TMPRSS13: variants seen among roughly 807,000 people sequenced by gnomAD.
TMPRSS13 encodes the protein transmembrane serine protease 13.
Under a neutral mutation model 68.4 loss-of-function variants are expected in TMPRSS13, and 50 were observed. The observed-to-expected ratio is 0.73, with a 90% CI of 0.58 to 0.93. TMPRSS13 has a LOEUF of 0.93. Ranked by LOEUF, TMPRSS13 falls within the 40% of genes least tolerant of loss-of-function variation. The pLI is 0.00. For synonymous variants in TMPRSS13, 267 were observed against 285.8 expected, an observed-to-expected ratio of 0.93 and a Z score of 0.66; for missense variants, 615 against 729.2, an observed-to-expected ratio of 0.84 and a Z score of 1.80.
In TMPRSS13 at chr11:117,929,361, A is replaced by T; in HGVS notation, c.-54T>A. 1 of 1,575,378 alleles carries T rather than the reference A, an allele frequency of 6.3e-7. No individual in the cohort carries two copies. The highest frequency in any genetic ancestry group is 1.2e-5 in the South Asian group (1 of 86,536). On this transcript the variant is annotated 5_prime_UTR_variant, in exon 1 of 13. It removes an upstream start codon present in the reference 5' UTR. Coordinates refer to ENST00000524993, the MANE Select transcript of TMPRSS13 (RefSeq NM_001077263.3). ...TTAGCTGATGTCGAGGAGAAGATCC[A>T]TCTTGGTCCCTGGCTTCTCAGGCAT... is the stretch of plus-strand genomic sequence containing the variant.
At chr11:117,910,934 A>G (rs1375663085) in intron 6 of TMPRSS13, among the ~76,000 whole-genome samples, 184 bp from the exon 7 acceptor site, 1 of 152,192 alleles carries the variant, frequency 6.6e-6, no homozygotes, top group Middle Eastern at 3.2e-3. Context: ...TGCTTTGTCC[A>G]GAATCGGAGT....
chr11:117,920,327 T>TTTTGTTTG (rs58261622), intron 1 of TMPRSS13, among the ~76,000 whole-genome samples: 24 of 150,668 alleles, frequency 1.6e-4, no homozygotes, highest in African/African-American at 4.9e-4. Context: ...GATGGAGGGG[T>TTTTGTTTG]TTTGTTTGTT....
rs1591623421 is a variant in TMPRSS13, at chr11:117,913,822, T to C, written c.764A>G (p.Asn255Ser). The change falls in exon 5 of 13, where the codon AAT becomes AGT. Residue 255 changes from asparagine to serine, a missense_variant. Physicochemically the swap from Asn to Ser is conservative, Grantham distance 46 (BLOSUM62 1). Transcript: ENST00000524993. ...QWLPICSSNW[N>S]DSYSEKTCQQ... ...GCAGGTCTTCTCTGAGTAGGAGTCA[T>C]TCCAGTTGCTGCTACAGATGGGAAG... 1 of 1,614,152 alleles carries C rather than the reference T, an allele frequency of 6.2e-7. No homozygotes were observed. Among genetic ancestry groups the C allele is most frequent in the Non-Finnish European group, 8.5e-7 (1 of 1,180,024 alleles).
At position 117,918,300 on chromosome 11, in the gene TMPRSS13, C is replaced by T. The variant is rs904317636; in HGVS notation, c.451+109G>A. 7.3e-6 allele frequency: 9 copies of T among 1,240,216 alleles called. No homozygotes were observed. The East Asian group carries it at 2.3e-4, about 32-fold the overall frequency. 76.8% of individuals were successfully genotyped at this position (1,240,216 alleles called of 1,614,324 possible). A position where few individuals can be genotyped will look rare whatever the true frequency, so the allele number is the denominator to read the frequency against. On this transcript the variant is annotated intron_variant, in intron 2 of 12. Coordinates refer to ENST00000524993, the MANE Select transcript of TMPRSS13 (RefSeq NM_001077263.3). ...ACTTCCCACCCCCCTACCTCCCCTT[C>T]CCCGCATCGTTGTCTGCTATGAGAG...
rs1026431219 is a variant in TMPRSS13, at chr11:117,911,829, C to A, written c.841G>T (p.Asp281Tyr). The A allele has an allele frequency of 1.2e-5, 20 of 1,613,996 alleles. No individual in the cohort carries two copies. Among genetic ancestry groups the A allele is most frequent in the East Asian group, 2.2e-5 (1 of 44,890 alleles). ...AHRTTEVAHR[D>Y]FANSFSILRY... ...AAGATTGAGAAGCTGTTGGCAAAATCCCTGTGGGCAACCTCGGTTGTCCGG... is the reference window on the plus strand; with the variant it reads ...AAGATTGAGAAGCTGTTGGCAAAATACCTGTGGGCAACCTCGGTTGTCCGG... Residue 281 changes from aspartate to tyrosine, a missense_variant, in exon 6 of 13, where the codon GAT (aspartate) becomes TAT (tyrosine). Asp to Tyr is a radical substitution (Grantham distance 160, BLOSUM62 -3). Transcript: ENST00000524993.
rs147549220 is a variant in TMPRSS13 at position 117,914,393 on chromosome 11, G to T, written c.678C>A (p.Cys226Ter). Residue 226 changes from cysteine to a stop codon, truncating the protein, a stop_gained and splice_region_variant, in exon 4 of 13, where the codon TGC becomes TGA. Coordinates refer to ENST00000524993, the MANE Select transcript of TMPRSS13 (RefSeq NM_001077263.3). LOFTEE classifies it high-confidence loss of function. The surrounding 1 kb of genome is among the most constrained non-coding windows in gnomAD (Gnocchi z 4.2). ...DCKLKSDELGCVRFDWDKSLL... is the reference protein window; with the variant it reads ...DCKLKSDELG The stretch of plus-strand genomic sequence containing the variant: ...CTCCCCCGCACCCAGCCTCCTTACC[G>T]CAGCCCAGCTCGTCACTCTTCAGCT... The T allele has an allele frequency of 1.2e-6, 2 of 1,613,218 alleles. No homozygotes were observed. The highest frequency in any genetic ancestry group is 1.7e-6 in the Non-Finnish European group (2 of 1,179,938).
At position 117,915,449 on chromosome 11, in the gene TMPRSS13, C is replaced by G. The variant is rs2057567925; in HGVS notation, c.557-935G>C. 6.6e-6 allele frequency among the ~76,000 whole-genome samples: 1 copy of G among 152,242 alleles called. No individual in the cohort carries two copies. On this transcript the variant is annotated intron_variant, in intron 3 of 12. Coordinates refer to ENST00000524993, the MANE Select transcript of TMPRSS13 (RefSeq NM_001077263.3). This position sits in a 1 kb window ranked among gnomAD's most constrained non-coding sequence, Gnocchi z 4.9. Reference sequence around the variant, plus strand: ...TCCTTCCAGGTCCAGACACAAATCCCTCCTAATCTCTTGGGCTGGCCCCTC... The same window carrying G: ...TCCTTCCAGGTCCAGACACAAATCCGTCCTAATCTCTTGGGCTGGCCCCTC...
In TMPRSS13 at chr11:117,902,221, G is replaced by C. The variant is rs1418752835; in HGVS notation, c.*18C>G. On this transcript the variant is annotated 3_prime_UTR_variant, in exon 13 of 13. Coordinates refer to ENST00000524993, the MANE Select transcript of TMPRSS13 (RefSeq NM_001077263.3). ...TCTTCACAGCAGCCGGTGCTGTGCA[G>C]AGCAGCAGGCCAGCTGGTTAGGATT... 6.2e-7 allele frequency: 1 copy of C among 1,612,670 alleles called. No individual in the cohort carries two copies. The highest frequency in any genetic ancestry group is 1.3e-5 in the African/African-American group (1 of 74,918).
chr11:117,920,224 TAG>T (rs2057629173), intron 1 of TMPRSS13, among the ~76,000 whole-genome samples: 1 of 152,206 alleles, frequency 6.6e-6, no homozygotes. Flanking sequence ...ATCTGTAAGC[TAG>T]AGCGAAGCAC....
chr11:117,920,266 A>G (rs1441357005), intron 1 of TMPRSS13, among the ~76,000 whole-genome samples: 2 of 152,316 alleles, frequency 1.3e-5, no homozygotes, highest in African/African-American at 2.4e-5. Flanking sequence ...GTCACAGATC[A>G]TGCCTGTAAA....
chr11:117,909,048 C>A (rs959985465), intron 8 of TMPRSS13, among the ~76,000 whole-genome samples: 4 of 152,134 alleles, frequency 2.6e-5, no homozygotes, highest in Admixed American at 6.5e-5. Context: ...GCACTCCCCC[C>A]CCACTATCTC....
chr11:117,910,686 C>A (rs752823659), intron 7 of TMPRSS13, 21 bp downstream of exon 7: 9 of 1,604,070 alleles, frequency 5.6e-6, no homozygotes, highest in African/African-American at 1.3e-5. Context: ...TGGCCACAAT[C>A]CAAGAAGAAG....
Position 117,929,380 on chromosome 11 carries a change from C to T in TMPRSS13, c.-73G>A. 6.8e-7 allele frequency: 1 copy of T among 1,473,986 alleles called. No individual in the cohort carries two copies. Among genetic ancestry groups the T allele is most frequent in the African/African-American group, 1.4e-5 (1 of 71,888 alleles). The allele number at this position is 1,473,986 out of a possible 1,614,324, so 91.3% of individuals were successfully genotyped here. ...AGATCCATCTTGGTCCCTGGCTTCT[C>T]AGGCATGTAGGGTAAAGGAGTTGGA... On this transcript the variant is annotated 5_prime_UTR_variant, in exon 1 of 13. Coordinates refer to ENST00000524993, the MANE Select transcript of TMPRSS13 (RefSeq NM_001077263.3).
rs747698789 is a variant in TMPRSS13 at position 117,903,786 on chromosome 11, C to G, written c.1546G>C (p.Val516Leu). The change falls in exon 12 of 13, where the codon GTC (valine) becomes CTC (leucine). Residue 516 changes from valine to leucine, a missense_variant. Coordinates refer to ENST00000524993, the MANE Select transcript of TMPRSS13 (RefSeq NM_001077263.3). The stretch of plus-strand genomic sequence containing the variant: ...TACCAGCGGTTGTTCTGCTCACAGA[C>G]AAGAGGCCCCCCGCTGTCTCCCTGC... ...SCQGDSGGPLVCEQNNRWYLA... is the reference protein window; with the variant it reads ...SCQGDSGGPLLCEQNNRWYLA... 6.2e-6 allele frequency: 10 copies of G among 1,611,380 alleles called. No homozygotes were observed. The highest frequency in any genetic ancestry group is 7.6e-6 in the Non-Finnish European group (9 of 1,178,832).
chr11:117,909,677 C>T lies in TMPRSS13; in HGVS notation c.1109+129G>A, dbSNP rs567914077. ...GGTGAACACCCAAGCTACACCAGTG[C>T]CAACTGGCCCATGGGGGCTGGACTC... On this transcript the variant is annotated intron_variant, in intron 8 of 12. Transcript: ENST00000524993. The T allele has an allele frequency of 5.3e-6, 6 of 1,142,454 alleles. No individual in the cohort carries two copies. In the South Asian group the frequency reaches 9.0e-5, roughly 17 times the overall value. 70.8% of individuals were successfully genotyped at this position (1,142,454 alleles called of 1,614,324 possible).
At chr11:117,909,756 T>C in intron 8 of TMPRSS13, 50 bp downstream of exon 8, 1 of 1,571,822 alleles carries the variant, frequency 6.4e-7, no homozygotes, top group Non-Finnish European at 8.6e-7. Flanking sequence ...CCCTTCCTGG[T>C]GGTTCCCGAC....
At chr11:117,903,431 C>G (rs2186627) in intron 12 of TMPRSS13, 455,700 of 1,536,104 alleles carry the variant, frequency 0.3, 68,866 homozygotes, top group Non-Finnish European at 0.31. Flanking sequence ...GTAGGTCCAC[C>G]CTTTTTCAAC....
In TMPRSS13 at chr11:117,908,927, A is replaced by G. The variant is rs1284768034; in HGVS notation, c.1110-143T>C. The G allele has an allele frequency of 1.3e-5, 10 of 780,502 alleles. No individual in the cohort carries two copies. In the Admixed American group the frequency reaches 2.3e-4, roughly 18 times the overall value. 48.3% of individuals were successfully genotyped at this position (780,502 alleles called of 1,614,324 possible). ...AAATGACCTCTGGAGGGAACCCTCTATCTTATCCCTGGAGTCCAAAGCAAT... is the reference window on the plus strand; with the variant it reads ...AAATGACCTCTGGAGGGAACCCTCTGTCTTATCCCTGGAGTCCAAAGCAAT... On this transcript the variant is annotated intron_variant, in intron 8 of 12. Coordinates refer to ENST00000524993, the MANE Select transcript of TMPRSS13 (RefSeq NM_001077263.3).
rs1376588745 is a variant in TMPRSS13, at chr11:117,922,608, C to T, written c.22-3770G>A. On this transcript the variant is annotated intron_variant, in intron 1 of 12. Transcript: ENST00000524993. This position sits in a 1 kb window ranked among gnomAD's most constrained non-coding sequence, Gnocchi z 4.2. ...AAGCTTCCCAAATCCTGGCCTTTGG[C>T]AGTGAGCCGAAGACTCAGAAGTGGA... Among the ~76,000 whole-genome samples, 1 of 152,162 alleles carries T rather than the reference C, an allele frequency of 6.6e-6. No individual in the cohort carries two copies. Among genetic ancestry groups the T allele is most frequent in the Non-Finnish European group, 1.5e-5 (1 of 68,038 alleles).
Sources: gnomAD v4.1 joint callset for allele counts (sites outside exome capture counted in the v4.1 genomes callset) on GRCh38, gnomAD v4.1.1 for gene constraint, Gnocchi (gnomAD v3.1) non-coding constraint, MANE v1.5 for transcripts, NCBI Gene and HGNC (gene_info 2026-07-23, HGNC 2026-07-21) for gene names.